Variants in DLG2 observed in about 807,000 individuals in gnomAD.
DLG2 encodes disks large homolog 2.
DLG2 carries 45 observed loss-of-function variants against 132.5 expected under a neutral mutation model. That is an observed-to-expected ratio of 0.34 (90% confidence interval 0.27 to 0.44). The LOEUF (loss-of-function observed/expected upper bound fraction) is 0.44. DLG2 is among the 20% of genes least tolerant of loss of function. DLG2 has a pLI of 1.00. For synonymous variants in DLG2, 424 were observed against 419.6 expected (o/e 1.01, Z -0.13); for missense variants, 1,045 against 1,196.9 (o/e 0.87, Z 1.87).
In DLG2 at chr11:85,130,647, G is replaced by A. The variant is rs552581912; in HGVS notation, c.283-18912C>T. 5.3e-5 allele frequency among the ~76,000 whole-genome samples: 8 copies of A among 152,284 alleles called. No individual in the cohort carries two copies. The East Asian group carries it at 1.4e-3, about 26-fold the overall frequency. ...AGCAATAATTGAAGACAGCACCTTA[G>A]CCAGAGCTATTGGAAAGTGAACTTA... On this transcript the variant is annotated intron_variant, in intron 5 of 27. Transcript: ENST00000376104.
intron 8 of DLG2, among the ~76,000 whole-genome samples, chr11:84,230,934 T>C (rs2097083788): frequency 6.6e-6 from 1 of 152,178 alleles, no homozygotes; most frequent in Admixed American, 6.5e-5. Flanking sequence ...TCATGAAGGA[T>C]ACTAATAATA....
At chr11:85,071,753 C>G (rs1411160603) in intron 6 of DLG2, among the ~76,000 whole-genome samples, 3 of 151,734 alleles carry the variant, frequency 2.0e-5, no homozygotes, top group African/African-American at 7.3e-5. Flanking sequence ...GGTCTAATTT[C>G]AAGAGCAATT....
chr11:84,248,424 G>A (rs1384967925), intron 8 of DLG2, among the ~76,000 whole-genome samples: 1 of 151,848 alleles, frequency 6.6e-6, no homozygotes, highest in African/African-American at 2.4e-5. Flanking sequence ...GTTAATTTAG[G>A]TGCATAGAGA....
At chr11:85,128,084 CCA>C (rs2075334243) in intron 5 of DLG2, among the ~76,000 whole-genome samples, 1 of 152,064 alleles carries the variant, frequency 6.6e-6, no homozygotes, top group South Asian at 2.1e-4. Flanking sequence ...GCTGCCTGGT[CCA>C]CTTTTCACTC....
intron 25 of DLG2, 98 bp from the exon 26 acceptor site, chr11:83,466,915 G>A (rs1038501981): frequency 2.1e-5 from 16 of 764,890 alleles, no homozygotes; most frequent in Non-Finnish European, 3.3e-5. Flanking sequence ...AGGAAGGTAG[G>A]GGATGCTGGA....
chr11:85,120,636 G>C (rs888743366), intron 5 of DLG2, among the ~76,000 whole-genome samples: 2 of 151,904 alleles, frequency 1.3e-5, no homozygotes, highest in Non-Finnish European at 1.5e-5. Context: ...CAGCATCAAA[G>C]GTTATATTTC....
chr11:85,604,330 T>C (rs1347648565), intron 2 of DLG2, among the ~76,000 whole-genome samples: 1 of 152,266 alleles, frequency 6.6e-6, no homozygotes, highest in Non-Finnish European at 1.5e-5. Context: ...AATTCTATTA[T>C]GCTCTTCAAC....
At chr11:84,366,150 G>C (rs1465497514) in intron 7 of DLG2, among the ~76,000 whole-genome samples, 2 of 151,964 alleles carry the variant, frequency 1.3e-5, no homozygotes, top group Non-Finnish European at 2.9e-5. Flanking sequence ...GAGAGTGGGG[G>C]CCAATATTCA....
At position 83,823,941 on chromosome 11, in the gene DLG2, A is replaced by G. The variant is rs540343598; in HGVS notation, c.1722+9673T>C. ...TGCCTCAGACATAAGTAAACTGCCA[A>G]ATTCAATTCTTTGGTGAAGGCCTGC... On this transcript the variant is annotated intron_variant, in intron 17 of 27. Coordinates refer to ENST00000376104, the MANE Select transcript of DLG2 (RefSeq NM_001142699.3). 1.2e-4 allele frequency among the ~76,000 whole-genome samples: 19 copies of G among 152,272 alleles called. No individual in the cohort carries two copies. In the South Asian group the frequency reaches 3.3e-3, roughly 27 times the overall value.
rs529426844 is a variant in DLG2, at chr11:83,736,034, T to C, written c.1825+50656A>G. On this transcript the variant is annotated intron_variant, in intron 18 of 27. Coordinates refer to ENST00000376104, the MANE Select transcript of DLG2 (RefSeq NM_001142699.3). ...TTAGTTGCGATTAGATTGGACAGTA[T>C]AAAACTACAGATCTGTTAGGTCACA... 2.0e-5 allele frequency among the ~76,000 whole-genome samples: 3 copies of C among 152,338 alleles called. No homozygotes were observed. The South Asian group carries it at 6.2e-4, about 32-fold the overall frequency.
intron 17 of DLG2, among the ~76,000 whole-genome samples, chr11:83,830,646 G>A (rs2054224911): frequency 6.6e-6 from 1 of 152,248 alleles, no homozygotes; most frequent in Non-Finnish European, 1.5e-5. Flanking sequence ...CCAAGAAGAT[G>A]TGCCATAGAG....
At chr11:83,503,994 C>T (rs1181769374) in intron 21 of DLG2, among the ~76,000 whole-genome samples, 1 of 152,104 alleles carries the variant, frequency 6.6e-6, no homozygotes, top group Admixed American at 6.5e-5. Context: ...AATCTCCAAC[C>T]CAAATACTAT....
chr11:83,871,726 G>A (rs551824482), intron 16 of DLG2, among the ~76,000 whole-genome samples: 77 of 152,166 alleles, frequency 5.1e-4, no homozygotes, highest in Non-Finnish European at 1.0e-3. Flanking sequence ...CTGAGACTTC[G>A]CCTTCTAAAT....
chr11:83,544,579 C>T (rs903437006), intron 19 of DLG2, among the ~76,000 whole-genome samples: 3 of 152,214 alleles, frequency 2.0e-5, no homozygotes, highest in East Asian at 3.9e-4. Flanking sequence ...TGCTCTTCAC[C>T]TTGCCCCCTC....
At chr11:84,424,122 C>T (rs1250825890) in intron 7 of DLG2, among the ~76,000 whole-genome samples, 3 of 152,134 alleles carry the variant, frequency 2.0e-5, no homozygotes, top group South Asian at 4.1e-4. Context: ...TGAATAGATG[C>T]TTTTCAAGTT....
intron 18 of DLG2, among the ~76,000 whole-genome samples, chr11:83,696,512 G>C (rs1008320439): frequency 1.2e-4 from 19 of 152,112 alleles, no homozygotes; most frequent in African/African-American, 4.1e-4. Flanking sequence ...TGGGCATCTT[G>C]ATATGAAAAA....
chr11:84,049,915 G>C (rs1324843360), intron 11 of DLG2, among the ~76,000 whole-genome samples: 1 of 151,738 alleles, frequency 6.6e-6, no homozygotes, highest in Non-Finnish European at 1.5e-5. Flanking sequence ...TCAGCAGATA[G>C]TGGTCACAAT....
chr11:84,143,152 C>T (rs999297412), intron 9 of DLG2, among the ~76,000 whole-genome samples: 6 of 149,442 alleles, frequency 4.0e-5, no homozygotes, highest in African/African-American at 7.3e-5. Context: ...GAATATAAGG[C>T]GAATAAAATA....
intron 9 of DLG2, among the ~76,000 whole-genome samples, chr11:84,119,369 G>C (rs1412190682): frequency 6.6e-6 from 1 of 151,972 alleles, no homozygotes; most frequent in Non-Finnish European, 1.5e-5. Flanking sequence ...CCACGGCAAA[G>C]TAGGGGTGGA....
Sources: allele counts gnomAD v4.1 joint callset (sites outside exome capture counted in the v4.1 genomes callset), GRCh38; gene constraint gnomAD v4.1.1; transcripts MANE v1.5; gene names NCBI Gene and HGNC (gene_info 2026-07-23, HGNC 2026-07-21).